The following INSC variants were observed in gnomAD, a reference collection of about 807,000 sequenced individuals.
INSC encodes protein inscuteable homolog.
Under a neutral mutation model 58.6 loss-of-function variants are expected in INSC, and 67 were observed. The observed-to-expected ratio is 1.14, with a 90% CI of 0.94 to 1.40. INSC has a LOEUF of 1.40. Among genes scored for constraint, INSC ranks in the 40% most tolerant of loss-of-function variants. The pLI, the probability that INSC is intolerant of heterozygous loss-of-function variation, is 0.00. For missense variants in INSC, 714 were observed against 692.0 expected (o/e 1.03, Z -0.36); for synonymous variants, 262 against 276.1 (o/e 0.95, Z 0.51).
chr11:15,216,768 G>C (rs906386874), intron 7 of INSC, among the ~76,000 whole-genome samples: 2 of 152,154 alleles, frequency 1.3e-5, no homozygotes, highest in African/African-American at 4.8e-5. Context: ...TCCAAAAAGA[G>C]TGTGCAGAAA....
intron 1 of INSC, among the ~76,000 whole-genome samples, chr11:15,132,512 C>G (rs559423585): frequency 8.2e-4 from 125 of 152,292 alleles, no homozygotes; most frequent in African/African-American, 2.9e-3. Context: ...ATCTTGAACT[C>G]TTGGGCTTAA....
At chr11:15,220,881 G>T (rs962574791) in intron 7 of INSC, among the ~76,000 whole-genome samples, 1 of 152,214 alleles carries the variant, frequency 6.6e-6, no homozygotes, top group African/African-American at 2.4e-5. Context: ...CAGGGAAGCA[G>T]CCCCATTTCT....
intron 5 of INSC, among the ~76,000 whole-genome samples, chr11:15,179,823 G>A (rs956566158): frequency 2.6e-5 from 4 of 152,176 alleles, no homozygotes; most frequent in Non-Finnish European, 4.4e-5. Flanking sequence ...AAAAGTCGAG[G>A]GACTGATGAG....
intron 2 of INSC, 30 bp downstream of exon 2, chr11:15,149,260 G>A (rs1564870194): frequency 1.3e-6 from 2 of 1,501,156 alleles, no homozygotes; most frequent in Non-Finnish European, 8.9e-7. Context: ...CTCCAGGCCA[G>A]GCCTGCCCCA....
intron 10 of INSC, among the ~76,000 whole-genome samples, chr11:15,237,164 T>C (rs768013537): frequency 2.6e-5 from 4 of 152,212 alleles, no homozygotes; most frequent in Non-Finnish European, 5.9e-5. Flanking sequence ...AGAACAGAGA[T>C]AACTAAATCC....
rs563788446 is a variant in INSC, at chr11:15,119,177, G to T, written c.-46+4174G>T. Among the ~76,000 whole-genome samples the T allele has an allele frequency of 2.0e-5, 3 of 152,332 alleles. No homozygotes were observed. In the East Asian group the frequency reaches 5.8e-4, roughly 29 times the overall value. ...CTCTGTCTGTCTCCAGGACCTCAACGTGATCAGCATCATTGGCCTTTCCAG... is the reference window on the plus strand; with the variant it reads ...CTCTGTCTGTCTCCAGGACCTCAACTTGATCAGCATCATTGGCCTTTCCAG... On this transcript the variant is annotated intron_variant, in intron 1 of 12. Coordinates refer to ENST00000379556, the MANE Select transcript of INSC (RefSeq NM_001042536.3).
At chr11:15,221,325 T>C in intron 7 of INSC, 152 bp from the exon 8 acceptor site, 1 of 818,926 alleles carries the variant, frequency 1.2e-6, no homozygotes, top group Non-Finnish European at 1.9e-6. Flanking sequence ...ATCACTGGAT[T>C]GTCCCTGGTT....
intron 12 of INSC, among the ~76,000 whole-genome samples, chr11:15,241,302 G>C (rs1331389475): frequency 1.3e-5 from 2 of 152,292 alleles, no homozygotes; most frequent in East Asian, 3.9e-4. Flanking sequence ...AAGAACATAA[G>C]GGGGAAGTGA....
At chr11:15,190,630 G>C in intron 5 of INSC, 71 bp from the exon 6 acceptor site, 1 of 1,020,376 alleles carries the variant, frequency 9.8e-7, no homozygotes, top group East Asian at 2.4e-5. Context: ...GGGCCCACTG[G>C]TGTTCCACTA....
At chr11:15,171,995 C>G (rs1849418095) in intron 2 of INSC, among the ~76,000 whole-genome samples, 1 of 152,180 alleles carries the variant, frequency 6.6e-6, no homozygotes, top group Non-Finnish European at 1.5e-5. Flanking sequence ...CAGGGGATCA[C>G]CCCTGTGTTT....
At chr11:15,233,694 G>GTCCT (rs10629474) in intron 9 of INSC, among the ~76,000 whole-genome samples, 56,636 of 151,076 alleles carry the variant, frequency 0.37, 11,815 homozygotes, top group Non-Finnish European at 0.49. Context: ...TTCCTAGTTT[G>GTCCT]TCCTTCCTTC....
chr11:15,136,460 T>G (rs1848248067), intron 1 of INSC, among the ~76,000 whole-genome samples: 1 of 152,184 alleles, frequency 6.6e-6, no homozygotes, highest in Non-Finnish European at 1.5e-5. Context: ...GAAAAATTTC[T>G]TGGTGGTATG....
chr11:15,153,429 T>C lies in INSC; in HGVS notation c.56+4199T>C, dbSNP rs139188432. On this transcript the variant is annotated intron_variant, in intron 2 of 12. Coordinates refer to ENST00000379556, the MANE Select transcript of INSC (RefSeq NM_001042536.3). ...CATTGCAGGCCAGCTTGTCTCCATG[T>C]AGATAATGGCTTGCATATGTGCACC... Among the ~76,000 whole-genome samples the C allele has an allele frequency of 1.3e-5, 2 of 152,358 alleles. 1 individual carries two copies. The highest frequency in any genetic ancestry group is 4.8e-5 in the African/African-American group (2 of 41,596).
chr11:15,221,368 A>T, intron 7 of INSC, 109 bp from the exon 8 acceptor site: 1 of 1,310,742 alleles, frequency 7.6e-7, no homozygotes, highest in Non-Finnish European at 1.1e-6. Context: ...CTGGGAAGCC[A>T]GAGCTGGCTT....
At chr11:15,181,625 A>C (rs1849783016) in intron 5 of INSC, among the ~76,000 whole-genome samples, 1 of 152,220 alleles carries the variant, frequency 6.6e-6, no homozygotes, top group Non-Finnish European at 1.5e-5. Flanking sequence ...TGATTGTATT[A>C]ACCCAAGAAT....
At chr11:15,143,465 C>T (rs1848421663) in intron 1 of INSC, among the ~76,000 whole-genome samples, 1 of 152,110 alleles carries the variant, frequency 6.6e-6, no homozygotes, top group African/African-American at 2.4e-5. Flanking sequence ...TGAACAGCAG[C>T]TGGCGTGGCT....
chr11:15,119,256 G>A lies in INSC; in HGVS notation c.-46+4253G>A, dbSNP rs151071774. On this transcript the variant is annotated intron_variant, in intron 1 of 12. Coordinates refer to ENST00000379556, the MANE Select transcript of INSC (RefSeq NM_001042536.3). ...AAGCAGGGATTGAAGGGGTGGGAAA[G>A]GCCTCCTGGGTTGTGTGGGGATCTC... Among the ~76,000 whole-genome samples the A allele has an allele frequency of 3.0e-3, 458 of 152,318 alleles. 2 individuals are homozygous for A. Among genetic ancestry groups the A allele is most frequent in the South Asian group, 0.014 (67 of 4,826 alleles).
chr11:15,154,021 A>C (rs1371560079), intron 2 of INSC, among the ~76,000 whole-genome samples: 1 of 152,142 alleles, frequency 6.6e-6, no homozygotes, highest in African/African-American at 2.4e-5. Flanking sequence ...TCATTCATTC[A>C]TTTGAATGAG....
chr11:15,129,998 TA>T (rs1848088797), intron 1 of INSC, among the ~76,000 whole-genome samples: 2 of 152,158 alleles, frequency 1.3e-5, no homozygotes, highest in Admixed American at 1.3e-4. Context: ...TGTGTGCTGT[TA>T]TGCACAGGCA....
Sources: allele counts gnomAD v4.1 joint callset (sites outside exome capture counted in the v4.1 genomes callset), GRCh38; gene constraint gnomAD v4.1.1; transcripts MANE v1.5; gene names NCBI Gene and HGNC (gene_info 2026-07-23, HGNC 2026-07-21).